SLC2A9: variants seen among roughly 807,000 people sequenced by gnomAD.
SLC2A9 encodes the protein solute carrier family 2 member 9, also known as solute carrier family 2, facilitated glucose transporter member 9.
A neutral mutation model predicts 50.6 loss-of-function variants in SLC2A9; 39 were observed. The ratio of observed to expected loss-of-function variants is 0.77; its 90% CI spans 0.60 to 1.01. The LOEUF is 1.01. Ranked by LOEUF, SLC2A9 falls within the 50% of genes least tolerant of loss-of-function variation. The pLI is 0.00. For synonymous variants in SLC2A9, 324 were observed against 276.9 expected, an observed-to-expected ratio of 1.17 and a Z score of -1.69; for missense variants, 686 against 677.6, an observed-to-expected ratio of 1.01 and a Z score of -0.14.
chr4:9,822,492 A>G (rs1488963459), downstream of SLC2A9, among the ~76,000 whole-genome samples: 1 of 152,130 alleles, frequency 6.6e-6, no homozygotes, highest in Non-Finnish European at 1.5e-5. Context: ...TTTTTCTACT[A>G]TTAATATGCC....
chr4:9,906,740 G>A lies in SLC2A9; in HGVS notation c.1113+1495C>T, dbSNP rs80268248. 0.022 allele frequency among the ~76,000 whole-genome samples: 3,289 copies of A among 152,148 alleles called. 221 individuals are homozygous for A. In the East Asian group the frequency reaches 0.26, roughly 12 times the overall value. On this transcript the variant is annotated intron_variant, in intron 8 of 11. Transcript: ENST00000264784. ...TTACAAAAAACAAAAAACATCTCCCGTACTTCCCCCATAAGTTTCATCTCA... is the reference window on the plus strand; with the variant it reads ...TTACAAAAAACAAAAAACATCTCCCATACTTCCCCCATAAGTTTCATCTCA...
intron 10 of SLC2A9, among the ~76,000 whole-genome samples, chr4:9,851,039 A>C (rs1350445060): frequency 6.6e-6 from 1 of 151,712 alleles, no homozygotes; most frequent in African/African-American, 2.4e-5. Context: ...ATATGCAGGA[A>C]CACCACCACC....
At chr4:9,979,477 G>T (rs990346125) in intron 5 of SLC2A9, among the ~76,000 whole-genome samples, 2 of 152,226 alleles carry the variant, frequency 1.3e-5, no homozygotes, top group African/African-American at 4.8e-5. Context: ...CCCTGCCTGT[G>T]TGAGTGGGAA....
chr4:9,900,641 T>C (rs1489213471), intron 8 of SLC2A9, among the ~76,000 whole-genome samples: 1 of 152,124 alleles, frequency 6.6e-6, no homozygotes, highest in Non-Finnish European at 1.5e-5. Context: ...TTCATTCTCA[T>C]GCTGCTATAA....
chr4:9,967,560 C>T lies in SLC2A9; in HGVS notation c.681+13032G>A, dbSNP rs189718883. ...TGTTTTTAATTAAAAAATTATAAGA[C>T]AAAATATGTACTTCATTTAAAAATA... On this transcript the variant is annotated intron_variant, in intron 5 of 11. Coordinates refer to ENST00000264784, the MANE Select transcript of SLC2A9 (RefSeq NM_020041.3). Among the ~76,000 whole-genome samples the T allele has an allele frequency of 3.8e-4, 58 of 151,106 alleles. No individual in the cohort carries two copies. In the South Asian group the frequency reaches 6.5e-3, roughly 17 times the overall value.
rs369134860 is a variant in SLC2A9, at chr4:9,996,896, G to C, written c.295C>G (p.Arg99Gly). The change falls in exon 3 of 12, where the codon CGT (arginine) becomes GGT (glycine). Residue 99 changes from arginine (R) to glycine (G), a missense_variant. Arg to Gly is a moderately radical substitution (Grantham distance 125). Transcript: ENST00000264784. ...GTCAGAGTGTCTGGGTCTATTGGACGTCCATGCCTTCTTTCCCATGACTCA... is the reference window on the plus strand; with the variant it reads ...GTCAGAGTGTCTGGGTCTATTGGACCTCCATGCCTTCTTTCCCATGACTCA... ...YNESWERRHG[R>G]PIDPDTLTLL... 6.2e-7 allele frequency: 1 copy of C among 1,614,162 alleles called. No homozygotes were observed. Among genetic ancestry groups the C allele is most frequent in the Non-Finnish European group, 8.5e-7 (1 of 1,180,006 alleles).
At chr4:9,968,421 A>G (rs1357765286) in intron 5 of SLC2A9, among the ~76,000 whole-genome samples, 2 of 152,154 alleles carry the variant, frequency 1.3e-5, no homozygotes. Flanking sequence ...GTTAGCTCCT[A>G]TAACTTCTTC....
At chr4:9,934,060 C>G (rs1012714881) in intron 6 of SLC2A9, among the ~76,000 whole-genome samples, 2 of 152,198 alleles carry the variant, frequency 1.3e-5, no homozygotes, top group African/African-American at 4.8e-5. Context: ...CCATCTGTGG[C>G]CCTAATTCCT....
intron 5 of SLC2A9, among the ~76,000 whole-genome samples, chr4:9,943,461 G>T (rs115768657): frequency 6.2e-4 from 94 of 152,324 alleles, no homozygotes; most frequent in African/African-American, 2.2e-3. Context: ...AAGGCTGGGA[G>T]GGGTAGGCTA....
In SLC2A9 at chr4:9,865,336, G is replaced by C. The variant is rs955649055; in HGVS notation, c.1291+22231C>G. Among the ~76,000 whole-genome samples the C allele has an allele frequency of 5.9e-5, 9 of 152,222 alleles. 1 individual carries two copies. The highest frequency in any genetic ancestry group is 2.2e-4 in the African/African-American group (9 of 41,456). Reference sequence around the variant, plus strand: ...TCCAAATGCCAGAAGTGCTGAAGTCGAGAGACCCTGTCATAGATTTTTCTC... The same window carrying C: ...TCCAAATGCCAGAAGTGCTGAAGTCCAGAGACCCTGTCATAGATTTTTCTC... On this transcript the variant is annotated intron_variant, in intron 10 of 11. Transcript: ENST00000264784.
rs866479243 is a variant in SLC2A9, at chr4:9,950,915, A to G, written c.682-8870T>C. 6.9e-5 allele frequency among the ~76,000 whole-genome samples: 2 copies of G among 28,852 alleles called. 1 individual carries two copies. Among genetic ancestry groups the G allele is most frequent in the Non-Finnish European group, 1.1e-4 (2 of 18,134 alleles). 18.9% of individuals were successfully genotyped at this position (28,852 alleles called of 152,430 possible). On this transcript the variant is annotated intron_variant, in intron 5 of 11. Coordinates refer to ENST00000264784, the MANE Select transcript of SLC2A9 (RefSeq NM_020041.3). Reference sequence around the variant, plus strand: ...CTCAAAAAAAAAAAAAAAAAAAAAAAAAAAGAAAACAGTATGGAGATTTCT... The same window carrying G: ...CTCAAAAAAAAAAAAAAAAAAAAAAGAAAAGAAAACAGTATGGAGATTTCT...
intron 6 of SLC2A9, among the ~76,000 whole-genome samples, chr4:9,920,967 AC>A (rs1743841196): frequency 6.6e-6 from 1 of 152,128 alleles, no homozygotes; most frequent in Non-Finnish European, 1.5e-5. Flanking sequence ...TATACATTCA[AC>A]CATGGCTCGG....
rs530349202 is a variant in SLC2A9 at position 9,975,884 on chromosome 4, G to A, written c.681+4708C>T. Among the ~76,000 whole-genome samples, 126 of 152,322 alleles carry A rather than the reference G, an allele frequency of 8.3e-4. 4 individuals are homozygous for A. The South Asian group carries it at 0.022, about 27-fold the overall frequency. Reference sequence around the variant, plus strand: ...ATGGTGGACTGGATAAAGAAAATGTGATACACATACACCGTAGAATACTAT... The same window carrying A: ...ATGGTGGACTGGATAAAGAAAATGTAATACACATACACCGTAGAATACTAT... On this transcript the variant is annotated intron_variant, in intron 5 of 11. Coordinates refer to ENST00000264784, the MANE Select transcript of SLC2A9 (RefSeq NM_020041.3).
chr4:9,794,081 T>A (rs542032523), downstream of SLC2A9, among the ~76,000 whole-genome samples: 10 of 152,296 alleles, frequency 6.6e-5, no homozygotes, highest in East Asian at 1.7e-3. Context: ...TAAAAAATGC[T>A]CATTTACTAG....
At chr4:9,841,073 T>C (rs1402697069) in intron 10 of SLC2A9, among the ~76,000 whole-genome samples, 1 of 152,216 alleles carries the variant, frequency 6.6e-6, no homozygotes. Context: ...CAATTCGAGA[T>C]GAGATTTGGG....
chr4:9,798,871 GA>G (rs2108915731), downstream of SLC2A9: 1 of 152,302 alleles, frequency 6.6e-6, no homozygotes, highest in East Asian at 1.9e-4. Context: ...AGAAGATGGG[GA>G]AACTAATACT....
intron 6 of SLC2A9, among the ~76,000 whole-genome samples, chr4:9,928,394 G>A (rs767151065): frequency 9.9e-5 from 15 of 152,236 alleles, no homozygotes; most frequent in Non-Finnish European, 1.8e-4. Flanking sequence ...TGTCTGTCAT[G>A]TGGTTTGGTA....
At position 9,942,010 on chromosome 4, in the gene SLC2A9, C is replaced by A. The variant is rs1343745278; in HGVS notation, c.717G>T (p.Val239=). Residue 239 remains valine (V), a synonymous_variant, in exon 6 of 12, where the codon GTG becomes GTT. Transcript: ENST00000264784. ...TCAGCAGCTGGACAACGGCAGGGAC[C>A]ACAATCACTCCAAACAGGTATGGCC... is the stretch of plus-strand genomic sequence containing the variant. ...STWPYLFGVI[V]VPAVVQLLSL... The A allele has an allele frequency of 1.2e-6, 2 of 1,614,168 alleles. No homozygotes were observed. The highest frequency in any genetic ancestry group is 8.5e-7 in the Non-Finnish European group (1 of 1,180,008).
intron 1 of SLC2A9, among the ~76,000 whole-genome samples, chr4:9,774,736 C>T (rs1232386532): frequency 6.6e-6 from 1 of 151,964 alleles, no homozygotes; most frequent in Non-Finnish European, 1.5e-5. Flanking sequence ...TTCTCATTTT[C>T]CTTCTCTTTT....
Sources: allele counts gnomAD v4.1 joint callset (sites outside exome capture counted in the v4.1 genomes callset), GRCh38; gene constraint gnomAD v4.1.1; transcripts MANE v1.5; gene names NCBI Gene and HGNC (gene_info 2026-07-23, HGNC 2026-07-21).